The following NEK5 variants were observed in gnomAD, a reference collection of about 807,000 sequenced individuals.
NEK5 encodes NIMA related kinase 5.
Under a neutral mutation model 109.2 loss-of-function variants are expected in NEK5, and 88 were observed. The observed-to-expected ratio is 0.81, with a 90% CI of 0.68 to 0.96. The LOEUF (loss-of-function observed/expected upper bound fraction) is 0.96. Among genes scored for constraint, NEK5 ranks in the 40% least tolerant of loss-of-function variants. NEK5 has a pLI of 0.00. For synonymous variants in NEK5, 283 were observed against 299.9 expected, an observed-to-expected ratio of 0.94 and a Z score of 0.58; for missense variants, 834 against 920.7, an observed-to-expected ratio of 0.91 and a Z score of 1.22.
At chr13:52,115,926 T>C (rs1388326072) in intron 4 of NEK5, among the ~76,000 whole-genome samples, 1 of 152,100 alleles carries the variant, frequency 6.6e-6, no homozygotes, top group Non-Finnish European at 1.5e-5. Flanking sequence ...TCCCAGCACT[T>C]TGGGAGGCCA....
chr13:52,073,275 A>G (rs995345973), intron 19 of NEK5, among the ~76,000 whole-genome samples: 2 of 152,130 alleles, frequency 1.3e-5, no homozygotes, highest in Non-Finnish European at 2.9e-5. Flanking sequence ...GGGAGAATAA[A>G]AAGTATTTGG....
intron 20 of NEK5, among the ~76,000 whole-genome samples, chr13:52,066,494 A>G (rs1196051547): frequency 2.0e-5 from 3 of 151,904 alleles, no homozygotes; most frequent in Non-Finnish European, 4.4e-5. Context: ...TTGAACAGAT[A>G]GCTCTTCCCT....
rs529688701 is a variant in NEK5 at position 52,056,368 on chromosome 13, G to A, written c.2110+5451C>T. Among the ~76,000 whole-genome samples, 30 of 152,004 alleles carry A rather than the reference G, an allele frequency of 2.0e-4. No individual in the cohort carries two copies. The East Asian group carries it at 5.6e-3, about 28-fold the overall frequency. On this transcript the variant is annotated intron_variant, in intron 22 of 23. Transcript: ENST00000684899. The stretch of plus-strand genomic sequence containing the variant: ...TAATGGGAGACTTTAACACCCCACT[G>A]TCAACATTAGACAGATCAACGAGAC...
Position 52,076,126 on chromosome 13 carries a change from C to G in NEK5, c.1590G>C (p.Leu530Phe), listed in dbSNP as rs754126161. Residue 530 changes from leucine (L) to phenylalanine (F), a missense_variant, in exon 18 of 24, where the codon TTG (leucine) becomes TTC (phenylalanine). Leu to Phe is a conservative substitution (Grantham distance 22, BLOSUM62 0). Transcript: ENST00000684899. The stretch of plus-strand genomic sequence containing the variant: ...TTGTGTTCTGAAGCCTCATTTGTTT[C>G]AAGTCTTTTTCAATGTCCTGAAAAT... ...EAPVQDIEKD[L>F]KQMRLQNTKE... The G allele has an allele frequency of 4.4e-6, 7 of 1,593,598 alleles. No homozygotes were observed. The South Asian group carries it at 7.9e-5, about 18-fold the overall frequency.
chr13:52,040,760 TTA>T (rs1954406271), intron 23 of NEK5, among the ~76,000 whole-genome samples: 1 of 152,160 alleles, frequency 6.6e-6, no homozygotes, highest in South Asian at 2.1e-4. Context: ...CCAGAATGTC[TTA>T]TATTTACTTC....
chr13:52,045,101 C>G (rs957850479), intron 23 of NEK5, among the ~76,000 whole-genome samples: 3 of 149,730 alleles, frequency 2.0e-5, no homozygotes, highest in African/African-American at 7.4e-5. Flanking sequence ...CGTACCATAA[C>G]AGTAGCATTT....
At chr13:52,121,293 A>G (rs1351237754) in intron 3 of NEK5, among the ~76,000 whole-genome samples, 1 of 151,708 alleles carries the variant, frequency 6.6e-6, no homozygotes, top group African/African-American at 2.4e-5. Flanking sequence ...TGAGTAGCTG[A>G]GACCACAGGC....
intron 22 of NEK5, among the ~76,000 whole-genome samples, chr13:52,051,264 A>T (rs536122365): frequency 1.7e-4 from 26 of 151,614 alleles, no homozygotes; most frequent in Non-Finnish European, 2.6e-4. Context: ...CCTTTTAGTT[A>T]GCTTAAAAAC....
At chr13:52,127,698 T>G in intron 1 of NEK5, 36 bp from the exon 2 acceptor site, 1 of 493,658 alleles carries the variant, frequency 2.0e-6, no homozygotes, top group Non-Finnish European at 3.6e-6. Flanking sequence ...CAGACACGGG[T>G]CATAGCTCAG....
chr13:52,125,138 G>A (rs984561944), intron 3 of NEK5, among the ~76,000 whole-genome samples: 2 of 152,180 alleles, frequency 1.3e-5, no homozygotes, highest in African/African-American at 4.8e-5. Context: ...GTACAATTGT[G>A]ATACCGAGCC....
At chr13:52,070,007 T>A (rs1362294710) in intron 20 of NEK5, among the ~76,000 whole-genome samples, 1 of 152,202 alleles carries the variant, frequency 6.6e-6, no homozygotes, top group Non-Finnish European at 1.5e-5. Flanking sequence ...ATCTTTGAGC[T>A]CCCTACCAGT....
chr13:52,075,746 T>C lies in NEK5; in HGVS notation c.1722+12A>G. ...GATACCTACTAATGGAAATTTAGAC[T>C]TAATGGCATACCTCTTCCTCTTGGA... On this transcript the variant is annotated intron_variant, in intron 19 of 23. Coordinates refer to ENST00000684899, the MANE Select transcript of NEK5 (RefSeq NM_001365552.1). 6.6e-7 allele frequency: 1 copy of C among 1,512,218 alleles called. No individual in the cohort carries two copies. The highest frequency in any genetic ancestry group is 1.4e-5 in the African/African-American group (1 of 71,570). 93.7% of individuals were successfully genotyped at this position (1,512,218 alleles called of 1,614,324 possible). A position where few individuals can be genotyped will look rare whatever the true frequency, so the allele number is the denominator to read the frequency against.
chr13:52,062,568 G>A (rs994793509), intron 21 of NEK5, among the ~76,000 whole-genome samples: 4 of 151,940 alleles, frequency 2.6e-5, no homozygotes, highest in African/African-American at 7.2e-5. Flanking sequence ...TTACAGGTGT[G>A]TGCCATCACA....
rs1225190671 is a variant in NEK5 at position 52,056,964 on chromosome 13, A to C, written c.2110+4855T>G. On this transcript the variant is annotated intron_variant, in intron 22 of 23. Transcript: ENST00000684899. ...ACTAAAATCAGAGCAGAACTGAAGG[A>C]AATAGAGACACAAAAAACCCTTCAA... Among the ~76,000 whole-genome samples the C allele has an allele frequency of 2.0e-5, 3 of 152,336 alleles. No individual in the cohort carries two copies. The East Asian group carries it at 5.8e-4, about 29-fold the overall frequency.
At chr13:52,057,646 T>G (rs1207482998) in intron 22 of NEK5, among the ~76,000 whole-genome samples, 1 of 152,106 alleles carries the variant, frequency 6.6e-6, no homozygotes, top group Non-Finnish European at 1.5e-5. Flanking sequence ...GGTTCAATAA[T>G]ATACGCAAAT....
chr13:52,102,992 T>C (rs1178833004), intron 9 of NEK5, among the ~76,000 whole-genome samples: 2 of 152,232 alleles, frequency 1.3e-5, no homozygotes, highest in Non-Finnish European at 2.9e-5. Flanking sequence ...CATATTGATA[T>C]GAAATTTTAT....
chr13:52,042,997 G>C (rs1271135486), intron 23 of NEK5, among the ~76,000 whole-genome samples: 1 of 151,676 alleles, frequency 6.6e-6, no homozygotes, highest in Non-Finnish European at 1.5e-5. Context: ...ATGACAAGGA[G>C]CACATAAACC....
rs1282741469 is a variant in NEK5 at position 52,050,201 on chromosome 13, A to G, written c.2131T>C (p.Trp711Arg). The change falls in exon 23 of 24, where the codon TGG (tryptophan) becomes CGG (arginine). Residue 711 changes from tryptophan to arginine, a missense_variant. Coordinates refer to ENST00000684899, the MANE Select transcript of NEK5 (RefSeq NM_001365552.1). ...EEFAMGTLKQWLPKEEDEGKV... is the reference protein window; with the variant it reads ...EEFAMGTLKQRLPKEEDEGKV... ...CCTTCATCTTCTTCTTTGGGTAGCC[A>G]TTGTTTTAATGTTCCCATTGCTAAA... is the stretch of plus-strand genomic sequence containing the variant. 1 of 984,792 alleles carries G rather than the reference A, an allele frequency of 1.0e-6. No individual in the cohort carries two copies. The highest frequency in any genetic ancestry group is 1.7e-5 in the African/African-American group (1 of 57,218). The allele number at this position is 984,792 out of a possible 1,614,324, so 61.0% of individuals were successfully genotyped here. A position where few individuals can be genotyped will look rare whatever the true frequency, so the allele number is the denominator to read the frequency against.
rs1003151989 is a variant in NEK5 at position 52,065,571 on chromosome 13, T to A, written c.1888A>T (p.Arg630Trp). The change falls in exon 21 of 24, where the codon AGG (arginine) becomes TGG (tryptophan). Residue 630 changes from arginine to tryptophan, a missense_variant. This residue lies in a region of NEK5 where 777 missense variants were observed against 824.7 expected (regional missense o/e 0.94). Coordinates refer to ENST00000684899, the MANE Select transcript of NEK5 (RefSeq NM_001365552.1). ...TGAGGCGCTCCTCCATCCCACTGCCTCCTGTTTCCCACAGCAGCTACAGTC... is the reference window on the plus strand; with the variant it reads ...TGAGGCGCTCCTCCATCCCACTGCCACCTGTTTCCCACAGCAGCTACAGTC... ...TQTVAAVGNRRQWDGGAPQTL... is the reference protein window; with the variant it reads ...TQTVAAVGNRWQWDGGAPQTL... 4.3e-6 allele frequency: 7 copies of A among 1,613,942 alleles called. No homozygotes were observed. The highest frequency in any genetic ancestry group is 1.3e-5 in the African/African-American group (1 of 74,928).
Sources: allele counts gnomAD v4.1 joint callset (sites outside exome capture counted in the v4.1 genomes callset), GRCh38; gene constraint gnomAD v4.1.1; regional missense constraint gnomAD v4.1.1; transcripts MANE v1.5; gene names NCBI Gene and HGNC (gene_info 2026-07-23, HGNC 2026-07-21).